PATJ: variants seen among roughly 807,000 people sequenced by gnomAD.
PATJ encodes inaD-like protein.
Under a neutral mutation model 224.9 loss-of-function variants are expected in PATJ, and 190 were observed. The ratio of observed to expected loss-of-function variants is 0.84; its 90% CI spans 0.75 to 0.95. PATJ has a LOEUF of 0.95. PATJ is among the 40% of genes least tolerant of loss of function. PATJ has a pLI of 0.00. For missense variants in PATJ, 2,121 were observed against 2,270.3 expected (o/e 0.93, Z 1.34); for synonymous variants, 769 against 820.3 (o/e 0.94, Z 1.07).
chr1:61,977,101 T>G (rs925805758), intron 27 of PATJ, among the ~76,000 whole-genome samples: 4 of 152,106 alleles, frequency 2.6e-5, no homozygotes, highest in African/African-American at 9.7e-5. Flanking sequence ...TTGCTTGTTT[T>G]TTTAGAGATG....
chr1:62,058,487 T>C (rs1171390777), intron 31 of PATJ, among the ~76,000 whole-genome samples: 1 of 152,204 alleles, frequency 6.6e-6, no homozygotes, highest in South Asian at 2.1e-4. Flanking sequence ...CAGATACAAA[T>C]CATAGGCTCT....
At chr1:62,045,157 G>T (rs1652289477) in intron 30 of PATJ, among the ~76,000 whole-genome samples, 1 of 151,988 alleles carries the variant, frequency 6.6e-6, no homozygotes, top group South Asian at 2.1e-4. Context: ...GGAGGCGGAG[G>T]TTGCAGTGAG....
rs571623285 is a variant in PATJ at position 61,913,242 on chromosome 1, A to G, written c.3493-1345A>G. Among the ~76,000 whole-genome samples the G allele has an allele frequency of 8.6e-5, 13 of 151,588 alleles. No individual in the cohort carries two copies. In the South Asian group the frequency reaches 2.5e-3, roughly 29 times the overall value. ...TTGTCTTTTTCTTTTTAATTTATTT[A>G]TGTATTTTTTGAATCAGGATCTTGC... On this transcript the variant is annotated intron_variant, in intron 25 of 43. Transcript: ENST00000642238.
intron 14 of PATJ, among the ~76,000 whole-genome samples, chr1:61,810,256 C>T (rs1249994911): frequency 6.6e-6 from 1 of 152,144 alleles, no homozygotes; most frequent in Non-Finnish European, 1.5e-5. Context: ...ACTGACCAAG[C>T]TTTCCTCAGA....
intron 28 of PATJ, among the ~76,000 whole-genome samples, chr1:62,012,438 T>A (rs1646508629): frequency 6.6e-6 from 1 of 152,218 alleles, no homozygotes; most frequent in African/African-American, 2.4e-5. Flanking sequence ...TTAACTGTAG[T>A]TAACCTAATA....
intron 33 of PATJ, among the ~76,000 whole-genome samples, chr1:62,088,718 G>C (rs1174117234): frequency 1.3e-5 from 2 of 151,760 alleles, no homozygotes; most frequent in Non-Finnish European, 2.9e-5. Flanking sequence ...CCAACTCTCT[G>C]TTTTCACATA....
chr1:61,838,232 CTG>C (rs917444913), intron 17 of PATJ, among the ~76,000 whole-genome samples: 58 of 152,170 alleles, frequency 3.8e-4, no homozygotes, highest in Non-Finnish European at 5.6e-4. Context: ...AAATCCCACT[CTG>C]TATGTGTGCC....
intron 31 of PATJ, among the ~76,000 whole-genome samples, chr1:62,062,034 A>G (rs914363284): frequency 6.6e-6 from 1 of 152,226 alleles, no homozygotes; most frequent in Non-Finnish European, 1.5e-5. Context: ...TATTGTGAAT[A>G]GTGCAGCAAT....
intron 33 of PATJ, among the ~76,000 whole-genome samples, chr1:62,097,607 C>T (rs890508523): frequency 1.3e-5 from 2 of 152,168 alleles, no homozygotes; most frequent in Non-Finnish European, 2.9e-5. Context: ...ACACAACCAG[C>T]CTGGGTTAAC....
At chr1:62,081,410 A>G (rs960752990) in intron 32 of PATJ, among the ~76,000 whole-genome samples, 1 of 152,150 alleles carries the variant, frequency 6.6e-6, no homozygotes, top group Non-Finnish European at 1.5e-5. Flanking sequence ...TGAGAGAAGT[A>G]AATAAAAAGA....
At position 62,138,507 on chromosome 1, in the gene PATJ, A is replaced by C. The variant is rs368038720; in HGVS notation, c.5271+9562A>C. On this transcript the variant is annotated intron_variant, in intron 41 of 43. Coordinates refer to ENST00000642238, the MANE Select transcript of PATJ (RefSeq NM_001350145.3). ...ATTTTTAGTAGGAAGGGGTTTCACC[A>C]TGTTGGCCAGGCTCGTCACAAACTC... is the stretch of plus-strand genomic sequence containing the variant. Among the ~76,000 whole-genome samples, 3 of 152,062 alleles carry C rather than the reference A, an allele frequency of 2.0e-5. No individual in the cohort carries two copies. In the East Asian group the frequency reaches 5.8e-4, roughly 29 times the overall value.
chr1:61,961,355 C>G (rs1016467843), intron 27 of PATJ, among the ~76,000 whole-genome samples: 1 of 152,048 alleles, frequency 6.6e-6, no homozygotes, highest in Non-Finnish European at 1.5e-5. Context: ...ACATCTTGAC[C>G]AGTCCTACCC....
chr1:62,041,752 C>T (rs1311692070), intron 30 of PATJ, among the ~76,000 whole-genome samples: 3 of 151,626 alleles, frequency 2.0e-5, no homozygotes, highest in East Asian at 1.9e-4. Context: ...CAGGCTAGGC[C>T]GGGCGTGGTG....
At chr1:61,809,265 T>A (rs1654204010) in intron 14 of PATJ, among the ~76,000 whole-genome samples, 1 of 152,182 alleles carries the variant, frequency 6.6e-6, no homozygotes, top group Non-Finnish European at 1.5e-5. Flanking sequence ...CAACAATTGA[T>A]AAGAAAGGAA....
intron 27 of PATJ, among the ~76,000 whole-genome samples, chr1:61,963,249 T>C (rs185143142): frequency 6.6e-6 from 1 of 152,310 alleles, no homozygotes; most frequent in African/African-American, 2.4e-5. Flanking sequence ...ACGTATTTTG[T>C]ATATGTGTTA....
At chr1:62,084,434 C>T in intron 32 of PATJ, 81 bp from the exon 33 acceptor site, 1 of 1,455,554 alleles carries the variant, frequency 6.9e-7, no homozygotes, top group South Asian at 1.4e-5. Context: ...CATGCAAGCC[C>T]CACACTCCCC....
intron 30 of PATJ, chr1:62,039,124 G>T: frequency 1.5e-6 from 1 of 659,082 alleles, no homozygotes; most frequent in Non-Finnish European, 2.9e-6. Context: ...GCTCGTATCT[G>T]TTCTTCAGCA....
At chr1:62,098,716 C>T (rs1259066636) in intron 33 of PATJ, among the ~76,000 whole-genome samples, 4 of 152,106 alleles carry the variant, frequency 2.6e-5, no homozygotes, top group Admixed American at 6.5e-5. Flanking sequence ...TCCTCTGACC[C>T]CCCAGTCCTG....
intron 41 of PATJ, among the ~76,000 whole-genome samples, chr1:62,136,083 A>C (rs1666834873): frequency 1.5e-5 from 2 of 129,234 alleles, no homozygotes; most frequent in African/African-American, 5.9e-5. Context: ...ACTGGAATGC[A>C]ATGGTGCAAT....
Sources: allele counts gnomAD v4.1 joint callset (sites outside exome capture counted in the v4.1 genomes callset), GRCh38; gene constraint gnomAD v4.1.1; transcripts MANE v1.5; gene names NCBI Gene and HGNC (gene_info 2026-07-23, HGNC 2026-07-21).